Variants in ZNF585A observed in about 807,000 individuals in gnomAD.
The protein encoded by ZNF585A is zinc finger protein 585A.
Under a neutral mutation model 14.9 loss-of-function variants are expected in ZNF585A, and 9 were observed. The ratio of observed to expected loss-of-function variants is 0.60; its 90% CI spans 0.36 to 1.05. The LOEUF (loss-of-function observed/expected upper bound fraction) is 1.05. ZNF585A is among the 50% of genes least tolerant of loss of function. ZNF585A has a pLI of 0.01. For missense variants in ZNF585A, 726 were observed against 926.4 expected (o/e 0.78, Z 2.81); for synonymous variants, 276 against 319.9 (o/e 0.86, Z 1.46).
In ZNF585A at chr19:37,152,444, C is replaced by G; in HGVS notation, c.1455G>C (p.Gln485His). ...AAGATTTCTCTCCTGTATGAGTTTT[C>G]TGATGTGTAATGAGATTTGACCGGT... Reference protein sequence around the residue: ...FTNRSNLITHQKTHTGEKSYI... With the variant: ...FTNRSNLITHHKTHTGEKSYI... Residue 485 changes from glutamine to histidine, a missense_variant, in exon 5 of 5, where the codon CAG becomes CAC. Gln to His is a conservative substitution (Grantham distance 24, BLOSUM62 0). Transcript: ENST00000292841. 1 of 1,614,042 alleles carries G rather than the reference C, an allele frequency of 6.2e-7. No individual in the cohort carries two copies. The highest frequency in any genetic ancestry group is 2.2e-5 in the East Asian group (1 of 44,872).
Position 37,152,182 on chromosome 19 carries a change from T to C in ZNF585A, c.1717A>G (p.Thr573Ala). ...SILIVHQKIH[T>A]GEKPYVCTEC... ...GTGCATACATAGGGTTTCTCTCCTG[T>C]ATGAATTTTCTGATGAACAATGAGT... Residue 573 changes from threonine to alanine, a missense_variant, in exon 5 of 5, where the codon ACA becomes GCA. This residue lies in a region of ZNF585A where 243 missense variants were observed against 383.6 expected (regional missense o/e 0.63). Coordinates refer to ENST00000292841, the MANE Select transcript of ZNF585A (RefSeq NM_001288800.2). 6.2e-7 allele frequency: 1 copy of C among 1,612,094 alleles called. No individual in the cohort carries two copies. Among genetic ancestry groups the C allele is most frequent in the African/African-American group, 1.3e-5 (1 of 74,846 alleles).
At chr19:37,170,802 G>C (rs1478260540) in intron 1 of ZNF585A, among the ~76,000 whole-genome samples, 1 of 152,110 alleles carries the variant, frequency 6.6e-6, no homozygotes, top group East Asian at 1.9e-4. Flanking sequence ...TCAGAAATGA[G>C]GATGAAAATG....
In ZNF585A at chr19:37,145,827, G is replaced by A. The variant is rs900118931; in HGVS notation, c.*5762C>T. 6.6e-6 allele frequency: 1 copy of A among 152,226 alleles called. No homozygotes were observed. Among genetic ancestry groups the A allele is most frequent in the Admixed American group, 6.5e-5 (1 of 15,278 alleles). 9.4% of individuals were successfully genotyped at this position (152,226 alleles called of 1,614,324 possible). A position where few individuals can be genotyped will look rare whatever the true frequency, so the allele number is the denominator to read the frequency against. On this transcript the variant is annotated 3_prime_UTR_variant, in exon 5 of 5. Coordinates refer to ENST00000292841, the MANE Select transcript of ZNF585A (RefSeq NM_001288800.2). ...CCTGAAGGTGGCAGAAACTAGCAGAGACAGAGGATTTCTTAGCATCAGAAT... is the reference window on the plus strand; with the variant it reads ...CCTGAAGGTGGCAGAAACTAGCAGAAACAGAGGATTTCTTAGCATCAGAAT...
At chr19:37,159,873 TATTTAAA>T (rs1264361180) in intron 2 of ZNF585A, among the ~76,000 whole-genome samples, 1 of 152,098 alleles carries the variant, frequency 6.6e-6, no homozygotes, top group Non-Finnish European at 1.5e-5. Context: ...GCCAAAATAA[TATTTAAA>T]ATACACAGAG....
Position 37,152,119 on chromosome 19 carries a change from T to C in ZNF585A, c.1780A>G (p.Ile594Val). ...GRAFIRKSNFITHQRIHTGEK... is the reference protein window; with the variant it reads ...GRAFIRKSNFVTHQRIHTGEK... ...CCAGTATGAATTCTTTGATGAGTAA[T>C]AAAGTTTGACTTGCGGATGAAAGCT... The change falls in exon 5 of 5, where the codon ATT becomes GTT. Residue 594 changes from isoleucine (I) to valine (V), a missense_variant. Around this residue, in one of 2 missense-constraint regions of ZNF585A, gnomAD observed 243 missense variants for 383.6 expected, o/e 0.63. Coordinates refer to ENST00000292841, the MANE Select transcript of ZNF585A (RefSeq NM_001288800.2). 1 of 1,601,688 alleles carries C rather than the reference T, an allele frequency of 6.2e-7. No individual in the cohort carries two copies. The highest frequency in any genetic ancestry group is 8.5e-7 in the Non-Finnish European group (1 of 1,172,388).
chr19:37,160,522 AAAT>A (rs1011847345), intron 2 of ZNF585A, among the ~76,000 whole-genome samples: 60 of 152,094 alleles, frequency 3.9e-4, no homozygotes, highest in African/African-American at 1.4e-3. Context: ...TTAGAGAACA[AAAT>A]AATAAAACCG....
intron 2 of ZNF585A, among the ~76,000 whole-genome samples, chr19:37,159,157 G>A (rs946319006): frequency 5.4e-5 from 8 of 148,154 alleles, no homozygotes; most frequent in East Asian, 2.0e-4. Context: ...GCTGAGGCAC[G>A]AGAATCACTT....
At position 37,147,907 on chromosome 19, in the gene ZNF585A, G is replaced by A. The variant is rs968973242; in HGVS notation, c.*3682C>T. 2.0e-5 allele frequency: 3 copies of A among 152,154 alleles called. No individual in the cohort carries two copies. The highest frequency in any genetic ancestry group is 7.2e-5 in the African/African-American group (3 of 41,432). 9.4% of individuals were successfully genotyped at this position (152,154 alleles called of 1,614,324 possible). A position where few individuals can be genotyped will look rare whatever the true frequency, so the allele number is the denominator to read the frequency against. On this transcript the variant is annotated 3_prime_UTR_variant, in exon 5 of 5. Coordinates refer to ENST00000292841, the MANE Select transcript of ZNF585A (RefSeq NM_001288800.2). ...TCCATAGTATTGGTGTACACAATTTGTTTAATCACTCATCCACTGATGTAC... is the reference window on the plus strand; with the variant it reads ...TCCATAGTATTGGTGTACACAATTTATTTAATCACTCATCCACTGATGTAC...
At position 37,150,623 on chromosome 19, in the gene ZNF585A, C is replaced by T. The variant is rs958595276; in HGVS notation, c.*966G>A. ...AGGTAAAACAGGAAAAATGGCCAGG[C>T]GTCATGGCCCTTTCCAGCCCTAAAC... On this transcript the variant is annotated 3_prime_UTR_variant, in exon 5 of 5. Coordinates refer to ENST00000292841, the MANE Select transcript of ZNF585A (RefSeq NM_001288800.2). 8.5e-5 allele frequency: 13 copies of T among 152,322 alleles called. No homozygotes were observed. The highest frequency in any genetic ancestry group is 8.5e-4 in the Admixed American group (13 of 15,274). The allele number at this position is 152,322 out of a possible 1,614,324, so 9.4% of individuals were successfully genotyped here. A position where few individuals can be genotyped will look rare whatever the true frequency, so the allele number is the denominator to read the frequency against.
rs748983823 is a variant in ZNF585A at position 37,151,744 on chromosome 19, C to G, written c.2155G>C (p.Val719Leu). Residue 719 changes from valine (V) to leucine (L), a missense_variant, in exon 5 of 5, where the codon GTG becomes CTG. Val to Leu is a conservative substitution (Grantham distance 32, BLOSUM62 1). Around this residue, in one of 2 missense-constraint regions of ZNF585A, gnomAD observed 243 missense variants for 383.6 expected, o/e 0.63. Coordinates refer to ENST00000292841, the MANE Select transcript of ZNF585A (RefSeq NM_001288800.2). ...AAGGCCTTCCCACACTCAGCACACA[C>G]GTAAGGCTTCTCTCCAGTGTGAATT... is the stretch of plus-strand genomic sequence containing the variant. The part of the protein sequence containing the change: ...QRIHTGEKPY[V>L]CAECGKAFTD... The G allele has an allele frequency of 6.2e-7, 1 of 1,614,016 alleles. No individual in the cohort carries two copies. Among genetic ancestry groups the G allele is most frequent in the Non-Finnish European group, 8.5e-7 (1 of 1,180,010 alleles).
At chr19:37,168,390 T>C (rs1029579076) in intron 2 of ZNF585A, among the ~76,000 whole-genome samples, 23 of 152,158 alleles carry the variant, frequency 1.5e-4, no homozygotes, top group Non-Finnish European at 4.4e-5. Context: ...AAAAATAATC[T>C]CTTGGAACAC....
rs1971810495 is a variant in ZNF585A at position 37,150,536 on chromosome 19, G to A, written c.*1053C>T. Reference sequence around the variant, plus strand: ...CTGGAGTGAGGTGATTGTAAAAGAGGTAATGAGGAGATCTCCAGAAACTGT... The same window carrying A: ...CTGGAGTGAGGTGATTGTAAAAGAGATAATGAGGAGATCTCCAGAAACTGT... On this transcript the variant is annotated 3_prime_UTR_variant, in exon 5 of 5. Transcript: ENST00000292841. 6.6e-6 allele frequency: 1 copy of A among 152,126 alleles called. No individual in the cohort carries two copies. The allele number at this position is 152,126 out of a possible 1,614,324, so 9.4% of individuals were successfully genotyped here. A position where few individuals can be genotyped will look rare whatever the true frequency, so the allele number is the denominator to read the frequency against.
intron 2 of ZNF585A, among the ~76,000 whole-genome samples, chr19:37,159,365 T>G (rs1336291346): frequency 6.6e-6 from 1 of 152,126 alleles, no homozygotes; most frequent in East Asian, 1.9e-4. Flanking sequence ...ATTTAAATTT[T>G]TTCATAATAA....
At chr19:37,169,466 A>G (rs979711367) in intron 2 of ZNF585A, among the ~76,000 whole-genome samples, 17 of 151,876 alleles carry the variant, frequency 1.1e-4, no homozygotes, top group African/African-American at 3.9e-4. Context: ...GAAAGAAAAT[A>G]TTTGTGTTTG....
intron 4 of ZNF585A, among the ~76,000 whole-genome samples, chr19:37,154,119 A>G (rs1173266095): frequency 6.6e-6 from 1 of 152,234 alleles, no homozygotes; most frequent in African/African-American, 2.4e-5. Context: ...GGCTGAACAC[A>G]GAGAAAAGGG....
rs1339478202 is a variant in ZNF585A, at chr19:37,148,418, ACAC to A, written c.*3168_*3170del. The A allele has an allele frequency of 1.3e-5, 2 of 152,052 alleles. No individual in the cohort carries two copies. The highest frequency in any genetic ancestry group is 2.9e-5 in the Non-Finnish European group (2 of 68,006). The allele number at this position is 152,052 out of a possible 1,614,324, so 9.4% of individuals were successfully genotyped here. A position where few individuals can be genotyped will look rare whatever the true frequency, so the allele number is the denominator to read the frequency against. ...AAAACACACACACACACACACACAC[ACAC>A]AAGGACTCCACTTATACAATATTAT... On this transcript the variant is annotated 3_prime_UTR_variant, in exon 5 of 5. Transcript: ENST00000292841.
intron 2 of ZNF585A, among the ~76,000 whole-genome samples, chr19:37,157,241 A>G (rs1269009971): frequency 6.6e-6 from 1 of 152,206 alleles, no homozygotes; most frequent in Admixed American, 6.5e-5. Flanking sequence ...GTTCTGTACT[A>G]TAGTCAGCCA....
chr19:37,151,782 T>C lies in ZNF585A; in HGVS notation c.2117A>G (p.Gln706Arg). 6.2e-7 allele frequency: 1 copy of C among 1,613,176 alleles called. No homozygotes were observed. Among genetic ancestry groups the C allele is most frequent in the East Asian group, 2.2e-5 (1 of 44,808 alleles). Residue 706 changes from glutamine (Q) to arginine (R), a missense_variant, in exon 5 of 5, where the codon CAA becomes CGA. This residue lies in a region of ZNF585A where 243 missense variants were observed against 383.6 expected (regional missense o/e 0.63). Coordinates refer to ENST00000292841, the MANE Select transcript of ZNF585A (RefSeq NM_001288800.2). ...GKSFTKKSQL[Q>R]VHQRIHTGEK... Reference sequence around the variant, plus strand: ...TCCAGTGTGAATTCGCTGATGCACTTGGAGCTGTGATTTTTTAGTGAAAGA... The same window carrying C: ...TCCAGTGTGAATTCGCTGATGCACTCGGAGCTGTGATTTTTTAGTGAAAGA...
rs971064532 is a variant in ZNF585A, at chr19:37,146,060, G to A, written c.*5529C>T. ...CGGTATGAGGAATGTGGAGTAGAGT[G>A]TGGTGGGGAGGTGTAGGATATACCA... On this transcript the variant is annotated 3_prime_UTR_variant, in exon 5 of 5. Coordinates refer to ENST00000292841, the MANE Select transcript of ZNF585A (RefSeq NM_001288800.2). 1 of 152,186 alleles carries A rather than the reference G, an allele frequency of 6.6e-6. No homozygotes were observed. The highest frequency in any genetic ancestry group is 1.5e-5 in the Non-Finnish European group (1 of 68,050). 9.4% of individuals were successfully genotyped at this position (152,186 alleles called of 1,614,324 possible).
Sources: gnomAD v4.1 joint callset for allele counts (sites outside exome capture counted in the v4.1 genomes callset) on GRCh38, gnomAD v4.1.1 for gene constraint, gnomAD v4.1.1 regional missense constraint, MANE v1.5 for transcripts, NCBI Gene and HGNC (gene_info 2026-07-23, HGNC 2026-07-21) for gene names.